PRKD1: variants seen among roughly 807,000 people sequenced by gnomAD.
PRKD1 encodes the protein serine/threonine-protein kinase D1.
Under a neutral mutation model 95.9 loss-of-function variants are expected in PRKD1, and 63 were observed. That is an observed-to-expected ratio of 0.66 (90% CI 0.54 to 0.81). The LOEUF is 0.81. PRKD1 is among the 30% of genes least tolerant of loss of function. The pLI, the probability that PRKD1 is intolerant of heterozygous loss-of-function variation, is 0.00. For synonymous variants in PRKD1, 425 were observed against 423.1 expected, an observed-to-expected ratio of 1.00 and a Z score of -0.05; for missense variants, 1,048 against 1,165.3, an observed-to-expected ratio of 0.90 and a Z score of 1.47.
At chr14:29,760,008 C>T (rs149614919) in intron 1 of PRKD1, among the ~76,000 whole-genome samples, 9 of 152,272 alleles carry the variant, frequency 5.9e-5, no homozygotes, top group Non-Finnish European at 1.0e-4. Flanking sequence ...CATGCAAAGG[C>T]TTTAGAAATA....
chr14:29,831,450 T>A (rs1479097927), intron 1 of PRKD1, among the ~76,000 whole-genome samples: 3 of 54,340 alleles, frequency 5.5e-5, no homozygotes, highest in Admixed American at 4.7e-4. Context: ...GAATGTTTGG[T>A]TTTTTTTTTT....
At chr14:29,898,027 C>A (rs752803784) in intron 1 of PRKD1, among the ~76,000 whole-genome samples, 1 of 151,948 alleles carries the variant, frequency 6.6e-6, no homozygotes, top group Non-Finnish European at 1.5e-5. Flanking sequence ...AACAACGCAT[C>A]CTAAAAATTA....
intron 1 of PRKD1, among the ~76,000 whole-genome samples, chr14:29,923,858 T>C (rs1009741697): frequency 3.3e-5 from 5 of 149,292 alleles, no homozygotes; most frequent in Non-Finnish European, 7.4e-5. Flanking sequence ...GTGTGTGTGG[T>C]AGATAAGTAG....
At chr14:29,834,604 A>G (rs185572219) in intron 1 of PRKD1, among the ~76,000 whole-genome samples, 1 of 152,148 alleles carries the variant, frequency 6.6e-6, no homozygotes, top group East Asian at 1.9e-4. Context: ...ACATAATAAT[A>G]ATTTTTCTCC....
intron 1 of PRKD1, among the ~76,000 whole-genome samples, chr14:29,860,557 G>C (rs1010526769): frequency 3.9e-5 from 6 of 152,062 alleles, no homozygotes; most frequent in African/African-American, 1.4e-4. Flanking sequence ...ATATCACCTG[G>C]GGAAGTTGTT....
At chr14:29,831,822 C>A (rs1021329493) in intron 1 of PRKD1, among the ~76,000 whole-genome samples, 2 of 152,002 alleles carry the variant, frequency 1.3e-5, no homozygotes, top group Admixed American at 6.6e-5. Context: ...TTATGGATGT[C>A]CATAATCAAC....
At chr14:29,655,604 G>A (rs1436765847) in intron 4 of PRKD1, among the ~76,000 whole-genome samples, 1 of 152,128 alleles carries the variant, frequency 6.6e-6, no homozygotes, top group African/African-American at 2.4e-5. Flanking sequence ...ATCACAAGAA[G>A]AGCATTGTTG....
At chr14:29,626,352 C>T in intron 12 of PRKD1, 132 bp downstream of exon 12, 1 of 745,090 alleles carries the variant, frequency 1.3e-6, no homozygotes, top group Non-Finnish European at 2.1e-6. Flanking sequence ...AAACGCAGAA[C>T]ACAAAAAGAT....
intron 1 of PRKD1, among the ~76,000 whole-genome samples, chr14:29,884,033 G>A (rs973633012): frequency 6.6e-6 from 1 of 152,154 alleles, no homozygotes. Context: ...AATGTTTTGT[G>A]TAATTTGGTC....
chr14:29,792,217 TG>T (rs1307886880), intron 1 of PRKD1, among the ~76,000 whole-genome samples: 2 of 152,140 alleles, frequency 1.3e-5, no homozygotes, highest in Non-Finnish European at 2.9e-5. Flanking sequence ...AAAATTATTA[TG>T]TTAGCTAATA....
chr14:29,736,153 G>C (rs1432282984), intron 1 of PRKD1, among the ~76,000 whole-genome samples: 1 of 152,184 alleles, frequency 6.6e-6, no homozygotes, highest in African/African-American at 2.4e-5. Flanking sequence ...TGTGAACGTG[G>C]AGACCTAGCC....
At chr14:29,718,993 CAAATT>C (rs1343298230) in intron 2 of PRKD1, among the ~76,000 whole-genome samples, 3 of 151,710 alleles carry the variant, frequency 2.0e-5, no homozygotes, top group Admixed American at 1.3e-4. Context: ...ATATCTAAGA[CAAATT>C]AATATAATAT....
chr14:29,738,226 C>G (rs1265147301), intron 1 of PRKD1, among the ~76,000 whole-genome samples: 1 of 152,152 alleles, frequency 6.6e-6, no homozygotes, highest in Non-Finnish European at 1.5e-5. Flanking sequence ...CACACTGTGA[C>G]CACATAGCTA....
Position 29,784,753 on chromosome 14 carries a change from G to A in PRKD1, c.265-59079C>T, listed in dbSNP as rs1213580195. Among the ~76,000 whole-genome samples the A allele has an allele frequency of 3.9e-5, 6 of 152,198 alleles. No homozygotes were observed. In the South Asian group the frequency reaches 6.2e-4, roughly 16 times the overall value. ...GCATGGCAACTGTCTCAATTCCTAC[G>A]GCTACAAGAAAAAACACACCTTTGC... On this transcript the variant is annotated intron_variant, in intron 1 of 17. Coordinates refer to ENST00000331968, the MANE Select transcript of PRKD1 (RefSeq NM_002742.3).
At chr14:29,667,526 A>G (rs780130599) in intron 2 of PRKD1, among the ~76,000 whole-genome samples, 4 of 152,216 alleles carry the variant, frequency 2.6e-5, no homozygotes, top group Non-Finnish European at 5.9e-5. Context: ...TAGATCAGAA[A>G]AAAAGTGTGG....
chr14:29,754,926 G>T (rs546058202), intron 1 of PRKD1, among the ~76,000 whole-genome samples: 1 of 151,930 alleles, frequency 6.6e-6, no homozygotes, highest in Non-Finnish European at 1.5e-5. Context: ...CCAAAAGCAT[G>T]GGTAGTTTCT....
At chr14:29,801,390 C>A (rs898963254) in intron 1 of PRKD1, among the ~76,000 whole-genome samples, 1 of 152,162 alleles carries the variant, frequency 6.6e-6, no homozygotes, top group Non-Finnish European at 1.5e-5. Context: ...TAAGTTGACA[C>A]GTGTAGCTAG....
intron 2 of PRKD1, among the ~76,000 whole-genome samples, chr14:29,669,686 G>T (rs542723999): frequency 2.0e-5 from 3 of 152,132 alleles, no homozygotes; most frequent in Non-Finnish European, 4.4e-5. Flanking sequence ...TGGCCAACAC[G>T]GTAAAACCCT....
At position 29,626,156 on chromosome 14, in the gene PRKD1, A is replaced by G. The variant is rs151200607; in HGVS notation, c.1798+328T>C. 5.2e-3 allele frequency among the ~76,000 whole-genome samples: 798 copies of G among 152,316 alleles called. 4 individuals are homozygous for G. Among genetic ancestry groups the G allele is most frequent in the African/African-American group, 0.018 (753 of 41,578 alleles). ...AGTACGCCAAAAGAAAATGGAATTA[A>G]TTTGTTTACAAATCACAACTTCCTT... is the stretch of plus-strand genomic sequence containing the variant. On this transcript the variant is annotated intron_variant, in intron 12 of 17. Transcript: ENST00000331968.
Sources: allele counts gnomAD v4.1 joint callset (sites outside exome capture counted in the v4.1 genomes callset), GRCh38; gene constraint gnomAD v4.1.1; transcripts MANE v1.5; gene names NCBI Gene and HGNC (gene_info 2026-07-23, HGNC 2026-07-21).